FNDC3A: variants seen among roughly 807,000 people sequenced by gnomAD.
FNDC3A encodes the protein fibronectin type III domain containing 3A.
Under a neutral mutation model 148.9 loss-of-function variants are expected in FNDC3A, and 32 were observed. That is an observed-to-expected ratio of 0.21 (90% CI 0.16 to 0.29). The LOEUF (loss-of-function observed/expected upper bound fraction) is 0.29, where lower values mean the gene tolerates loss of function less well. Among genes scored for constraint, FNDC3A ranks in the 10% least tolerant of loss-of-function variants. FNDC3A has a pLI of 1.00. For synonymous variants in FNDC3A, 472 were observed against 473.6 expected (o/e 1.00, Z 0.04); for missense variants, 1,191 against 1,452.8 (o/e 0.82, Z 2.93).
At chr13:49,202,075 A>G (rs1886444826) in intron 24 of FNDC3A, 109 bp downstream of exon 24, 1 of 642,000 alleles carries the variant, frequency 1.6e-6, no homozygotes, top group South Asian at 3.5e-5. Flanking sequence ...GTATATGTCC[A>G]CCAGTTATAC....
intron 8 of FNDC3A, among the ~76,000 whole-genome samples, chr13:49,163,361 C>T (rs1176287882): frequency 3.3e-5 from 5 of 152,188 alleles, no homozygotes; most frequent in Non-Finnish European, 7.3e-5. Flanking sequence ...CCCCCAGCCT[C>T]GCTGCCACCT....
chr13:49,187,355 T>A (rs1032074785), intron 16 of FNDC3A, 165 bp downstream of exon 16: 6 of 820,728 alleles, frequency 7.3e-6, no homozygotes, highest in South Asian at 1.7e-5. Context: ...TTTTTTTTTT[T>A]AATGTCATAA....
intron 12 of FNDC3A, among the ~76,000 whole-genome samples, chr13:49,175,006 T>TA (rs28372834): frequency 0.13 from 20,280 of 152,210 alleles, 1,766 homozygotes; most frequent in East Asian, 0.34. Flanking sequence ...ACTGAGAACT[T>TA]ACATTTTCTA....
intron 8 of FNDC3A, among the ~76,000 whole-genome samples, chr13:49,162,805 C>T (rs1034728859): frequency 6.6e-6 from 1 of 152,248 alleles, no homozygotes; most frequent in Non-Finnish European, 1.5e-5. Context: ...GTGTGGATGT[C>T]CTTTTTGTTG....
chr13:49,007,974 G>A (rs922762797), intron 2 of FNDC3A, among the ~76,000 whole-genome samples: 3 of 152,094 alleles, frequency 2.0e-5, no homozygotes, highest in African/African-American at 4.8e-5. Context: ...TTTGGTTGCC[G>A]AAGACAAGTT....
intron 11 of FNDC3A, among the ~76,000 whole-genome samples, chr13:49,173,687 C>T (rs1884879746): frequency 6.6e-6 from 1 of 152,048 alleles, no homozygotes; most frequent in Non-Finnish European, 1.5e-5. Context: ...GAAACTCAGT[C>T]GAATCAACTA....
At chr13:49,010,691 C>T (rs1243584354) in intron 2 of FNDC3A, among the ~76,000 whole-genome samples, 1 of 152,280 alleles carries the variant, frequency 6.6e-6, no homozygotes, top group East Asian at 1.9e-4. Flanking sequence ...ACAAGCCACA[C>T]TAAGAGATAT....
intron 10 of FNDC3A, among the ~76,000 whole-genome samples, chr13:49,170,602 C>G (rs1337240061): frequency 2.0e-5 from 3 of 152,154 alleles, no homozygotes; most frequent in Non-Finnish European, 4.4e-5. Flanking sequence ...GGTAGGAACA[C>G]TGATTTTTGT....
At chr13:49,118,232 T>C (rs1455571500) in intron 4 of FNDC3A, among the ~76,000 whole-genome samples, 1 of 152,128 alleles carries the variant, frequency 6.6e-6, no homozygotes, top group Non-Finnish European at 1.5e-5. Flanking sequence ...GGGCATCGCC[T>C]CACCCAGGAA....
At chr13:49,160,204 T>G (rs1454005177) in intron 8 of FNDC3A, among the ~76,000 whole-genome samples, 1 of 152,220 alleles carries the variant, frequency 6.6e-6, no homozygotes, top group South Asian at 2.1e-4. Flanking sequence ...TACCAGCTCC[T>G]CTTTATACCT....
intron 3 of FNDC3A, among the ~76,000 whole-genome samples, chr13:49,080,870 A>T (rs138930723): frequency 1.3e-4 from 20 of 152,342 alleles, no homozygotes; most frequent in South Asian, 4.1e-4. Context: ...TCTAGATATC[A>T]TCTGTTCTGT....
In FNDC3A at chr13:48,986,462, C is replaced by G. The variant is rs527699461; in HGVS notation, c.-40+10285C>G. Among the ~76,000 whole-genome samples, 80 of 116,510 alleles carry G rather than the reference C, an allele frequency of 6.9e-4. 1 individual carries two copies. Among genetic ancestry groups the G allele is most frequent in the Admixed American group, 1.3e-3 (10 of 7,722 alleles). The allele number at this position is 116,510 out of a possible 152,430, so 76.4% of individuals were successfully genotyped here. A position where few individuals can be genotyped will look rare whatever the true frequency, so the allele number is the denominator to read the frequency against. On this transcript the variant is annotated intron_variant, in intron 1 of 25. Transcript: ENST00000492622. Reference sequence around the variant, plus strand: ...CCAGGCTGGAGTGCAATGGCGTGATCTCGGCTCACTGCAACCTCCGCCTCC... The same window carrying G: ...CCAGGCTGGAGTGCAATGGCGTGATGTCGGCTCACTGCAACCTCCGCCTCC...
At chr13:49,070,733 C>T (rs1056163131) in intron 2 of FNDC3A, among the ~76,000 whole-genome samples, 2 of 152,106 alleles carry the variant, frequency 1.3e-5, no homozygotes, top group Non-Finnish European at 2.9e-5. Flanking sequence ...CCAGTAACCA[C>T]GATTCTATTC....
intron 11 of FNDC3A, among the ~76,000 whole-genome samples, chr13:49,173,660 A>T (rs1388260327): frequency 6.6e-6 from 1 of 152,210 alleles, no homozygotes; most frequent in Admixed American, 6.5e-5. Context: ...TTTAGAGATG[A>T]TATGATTTTC....
intron 1 of FNDC3A, among the ~76,000 whole-genome samples, chr13:48,999,093 G>A (rs892683160): frequency 5.3e-5 from 8 of 152,184 alleles, no homozygotes; most frequent in African/African-American, 1.9e-4. Flanking sequence ...CCCCGCAGCA[G>A]AGCCTCATGG....
intron 1 of FNDC3A, among the ~76,000 whole-genome samples, chr13:48,999,451 G>T (rs535345248): frequency 6.6e-6 from 1 of 152,192 alleles, no homozygotes; most frequent in Non-Finnish European, 1.5e-5. Flanking sequence ...AAGGAATTTT[G>T]CCTCAGGATG....
At chr13:48,992,896 C>T (rs904859391) in intron 1 of FNDC3A, among the ~76,000 whole-genome samples, 10 of 152,064 alleles carry the variant, frequency 6.6e-5, no homozygotes, top group Non-Finnish European at 1.5e-4. Context: ...CTACTTGATG[C>T]GTGTTTGTTT....
At chr13:49,060,591 C>G (rs889564212) in intron 2 of FNDC3A, among the ~76,000 whole-genome samples, 1 of 146,904 alleles carries the variant, frequency 6.8e-6, no homozygotes, top group African/African-American at 2.5e-5. Flanking sequence ...TTGCAGTGAC[C>G]CGAGATTGTG....
At chr13:49,066,489 T>C (rs1447732544) in intron 2 of FNDC3A, among the ~76,000 whole-genome samples, 1 of 152,218 alleles carries the variant, frequency 6.6e-6, no homozygotes, top group Non-Finnish European at 1.5e-5. Flanking sequence ...TATGTCACAC[T>C]GTGCTGTATG....
Sources: gnomAD v4.1 joint callset for allele counts (sites outside exome capture counted in the v4.1 genomes callset) on GRCh38, gnomAD v4.1.1 for gene constraint, MANE v1.5 for transcripts, NCBI Gene and HGNC (gene_info 2026-07-23, HGNC 2026-07-21) for gene names.